Variants in PPEF2 observed in about 807,000 individuals in gnomAD.
PPEF2 encodes protein phosphatase with EF-hand domain 2.
In PPEF2, 84 loss-of-function variants were observed where a neutral mutation model predicts 84.7. That is an observed-to-expected ratio of 0.99 (90% CI 0.83 to 1.19). PPEF2 has a LOEUF of 1.19. PPEF2 is among the 50% of genes most tolerant of loss of function. The pLI, the probability that PPEF2 is intolerant of heterozygous loss-of-function variation, is 0.00. For synonymous variants in PPEF2, 346 were observed against 345.2 expected, an observed-to-expected ratio of 1.00 and a Z score of -0.03; for missense variants, 924 against 937.5, an observed-to-expected ratio of 0.99 and a Z score of 0.19.
intron 1 of PPEF2, among the ~76,000 whole-genome samples, chr4:75,899,512 TC>T (rs151298052): frequency 0.024 from 3,696 of 152,294 alleles, 56 homozygotes; most frequent in African/African-American, 0.03. Flanking sequence ...CTTCTTTTAC[TC>T]TTTTCTCTAC....
intron 1 of PPEF2, among the ~76,000 whole-genome samples, chr4:75,898,273 G>A (rs370827327): frequency 6.6e-6 from 1 of 152,226 alleles, no homozygotes; most frequent in African/African-American, 2.4e-5. Context: ...CAGAGATTTT[G>A]TTTATGGCCA....
chr4:75,884,711 A>G lies in PPEF2; in HGVS notation c.629T>C (p.Val210Ala). ...ERSYVFNGDFVDRGKDSVEIL... is the reference protein window; with the variant it reads ...ERSYVFNGDFADRGKDSVEIL... ...CTCTACTGAATCCTTGCCTCGATCC[A>G]CAAAGTCACCGTTGAACACATATGA... The change falls in exon 8 of 17, where the codon GTG becomes GCG. Residue 210 changes from valine (V) to alanine (A), a missense_variant. Val to Ala is a moderately conservative substitution (Grantham distance 64). Transcript: ENST00000286719. 1 of 1,613,042 alleles carries G rather than the reference A, an allele frequency of 6.2e-7. No homozygotes were observed. The highest frequency in any genetic ancestry group is 8.5e-7 in the Non-Finnish European group (1 of 1,179,740).
chr4:75,900,014 A>T (rs761095201), intron 1 of PPEF2, among the ~76,000 whole-genome samples: 14 of 152,222 alleles, frequency 9.2e-5, no homozygotes, highest in Non-Finnish European at 1.6e-4. Flanking sequence ...ATCTTCAAGG[A>T]TCATAAATGA....
intron 11 of PPEF2, among the ~76,000 whole-genome samples, chr4:75,873,743 G>T (rs1030319174): frequency 1.3e-5 from 2 of 152,136 alleles, no homozygotes; most frequent in Non-Finnish European, 2.9e-5. Context: ...GACCCCAGAC[G>T]TGGTCCTGGG....
At chr4:75,872,426 T>C (rs1724303806) in intron 12 of PPEF2, among the ~76,000 whole-genome samples, 1 of 152,166 alleles carries the variant, frequency 6.6e-6, no homozygotes, top group Non-Finnish European at 1.5e-5. Context: ...CAAGTGAAAA[T>C]AGCAAGGGTC....
chr4:75,887,359 C>T (rs1328855529), intron 6 of PPEF2, among the ~76,000 whole-genome samples: 5 of 152,108 alleles, frequency 3.3e-5, no homozygotes, highest in African/African-American at 4.8e-5. Flanking sequence ...GGGTGGCTCA[C>T]GCCTGTAATC....
intron 15 of PPEF2, 104 bp downstream of exon 15, chr4:75,866,085 T>C: frequency 7.8e-7 from 1 of 1,274,026 alleles, no homozygotes; most frequent in Non-Finnish European, 1.1e-6. Flanking sequence ...TTCTCACCCA[T>C]CCAGCTTTTT....
At chr4:75,876,901 G>T (rs887211716) in intron 10 of PPEF2, among the ~76,000 whole-genome samples, 12 of 151,730 alleles carry the variant, frequency 7.9e-5, no homozygotes, top group African/African-American at 2.7e-4. Context: ...CCAGCTACTA[G>T]GGAGGCTGAG....
At chr4:75,890,599 C>T (rs1472714061) in intron 4 of PPEF2, among the ~76,000 whole-genome samples, 2 of 151,650 alleles carry the variant, frequency 1.3e-5, no homozygotes, top group Admixed American at 1.3e-4. Context: ...AAAGTGACAA[C>T]AGTCTAGGAT....
intron 13 of PPEF2, among the ~76,000 whole-genome samples, chr4:75,868,189 C>T (rs958123655): frequency 1.3e-5 from 2 of 150,222 alleles, no homozygotes; most frequent in Non-Finnish European, 3.0e-5. Flanking sequence ...GGTGGCGTGT[C>T]CCTGTAGTCC....
In PPEF2 at chr4:75,873,249, C is replaced by T; in HGVS notation, c.1384G>A (p.Gly462Arg). 1 of 1,614,152 alleles carries T rather than the reference C, an allele frequency of 6.2e-7. No individual in the cohort carries two copies. The highest frequency in any genetic ancestry group is 8.5e-7 in the Non-Finnish European group (1 of 1,180,006). The change falls in exon 12 of 17, where the codon GGA becomes AGA. Residue 462 changes from glycine to arginine, a missense_variant. Physicochemically the swap from Gly to Arg is moderately radical, Grantham distance 125. Transcript: ENST00000286719. ...TCAGGCCCAAAATAACAGCCTCCTC[C>T]TCGAATAGTGTTGGCCTTGCAGCCC... is the stretch of plus-strand genomic sequence containing the variant. ...QEGCKANTIRGGGCYFGPDVT... is the reference protein window; with the variant it reads ...QEGCKANTIRRGGCYFGPDVT...
At position 75,869,367 on chromosome 4, in the gene PPEF2, G is replaced by A. The variant is rs184774927; in HGVS notation, c.1650-1948C>T. On this transcript the variant is annotated intron_variant, in intron 13 of 16. Coordinates refer to ENST00000286719, the MANE Select transcript of PPEF2 (RefSeq NM_006239.3). ...CCTCAACACTCATTGAAGAAAGAACGATAACATGAAGTCCATTATGCCCAT... is the reference window on the plus strand; with the variant it reads ...CCTCAACACTCATTGAAGAAAGAACAATAACATGAAGTCCATTATGCCCAT... Among the ~76,000 whole-genome samples, 58 of 152,256 alleles carry A rather than the reference G, an allele frequency of 3.8e-4. 1 individual carries two copies. Among genetic ancestry groups the A allele is most frequent in the African/African-American group, 1.3e-3 (56 of 41,556 alleles).
intron 16 of PPEF2, among the ~76,000 whole-genome samples, chr4:75,861,370 T>C (rs1049835772): frequency 2.6e-5 from 4 of 151,710 alleles, no homozygotes; most frequent in Non-Finnish European, 5.9e-5. Flanking sequence ...CATACATCTA[T>C]AGTCAATTGA....
Position 75,876,575 on chromosome 4 carries a change from G to T in PPEF2, c.1032C>A (p.Ile344=), listed in dbSNP as rs1405161163. Residue 344 remains isoleucine, a synonymous_variant, in exon 11 of 17, where the codon ATC becomes ATA. Coordinates refer to ENST00000286719, the MANE Select transcript of PPEF2 (RefSeq NM_006239.3). ...AGCGGCTTTCGGGGAGAAACCATGG[G>T]ATGGGTCCCTGTGCAGAGCTCTTCT... ...ANQKSSAQGP[I]PWFLPESRSL... The T allele has an allele frequency of 6.2e-7, 1 of 1,613,960 alleles. No individual in the cohort carries two copies. Among genetic ancestry groups the T allele is most frequent in the Non-Finnish European group, 8.5e-7 (1 of 1,179,930 alleles).
chr4:75,863,080 C>T (rs1008153122), intron 16 of PPEF2, among the ~76,000 whole-genome samples: 3 of 152,108 alleles, frequency 2.0e-5, no homozygotes, highest in Admixed American at 2.0e-4. Flanking sequence ...ATCAAATGTC[C>T]AGAACAGGCA....
At chr4:75,868,640 G>A (rs1003948972) in intron 13 of PPEF2, among the ~76,000 whole-genome samples, 2 of 151,818 alleles carry the variant, frequency 1.3e-5, no homozygotes, top group Non-Finnish European at 1.5e-5. Flanking sequence ...AGGCTGCAGT[G>A]AGCCAAGATC....
At chr4:75,867,934 T>C (rs1230603054) in intron 13 of PPEF2, among the ~76,000 whole-genome samples, 1 of 152,210 alleles carries the variant, frequency 6.6e-6, no homozygotes, top group Non-Finnish European at 1.5e-5. Context: ...TTTTCATTCT[T>C]ATTGGGTCAA....
chr4:75,876,721 C>T (rs368552214), intron 10 of PPEF2, 48 bp from the exon 11 acceptor site: 248 of 1,500,278 alleles, frequency 1.7e-4, no homozygotes, highest in Non-Finnish European at 2.1e-4. Context: ...AAACTGTAGG[C>T]CCAGACAGGT....
intron 1 of PPEF2, among the ~76,000 whole-genome samples, chr4:75,899,866 G>T (rs945930990): frequency 1.3e-5 from 2 of 152,156 alleles, no homozygotes; most frequent in Non-Finnish European, 1.5e-5. Flanking sequence ...CTCACAAGTT[G>T]CTTTGATACA....
Sources: gnomAD v4.1 joint callset for allele counts (sites outside exome capture counted in the v4.1 genomes callset) on GRCh38, gnomAD v4.1.1 for gene constraint, MANE v1.5 for transcripts, NCBI Gene and HGNC (gene_info 2026-07-23, HGNC 2026-07-21) for gene names.